The following TMTC2 variants were observed in gnomAD, a reference collection of about 807,000 sequenced individuals.
TMTC2 encodes the protein transmembrane O-mannosyltransferase targeting cadherins 2, also known as protein O-mannosyl-transferase TMTC2.
In TMTC2, 43 loss-of-function variants were observed where a neutral mutation model predicts 82.4. That is an observed-to-expected ratio of 0.52 (90% CI 0.41 to 0.67). TMTC2 has a LOEUF of 0.67. Ranked by LOEUF, TMTC2 falls within the 30% of genes least tolerant of loss-of-function variation. The pLI, the probability that TMTC2 is intolerant of heterozygous loss-of-function variation, is 0.00. For missense variants in TMTC2, 919 were observed against 1,012.4 expected (o/e 0.91, Z 1.25); for synonymous variants, 408 against 381.9 (o/e 1.07, Z -0.80).
intron 1 of TMTC2, among the ~76,000 whole-genome samples, chr12:82,822,184 C>T (rs2137064480): frequency 6.6e-6 from 1 of 152,228 alleles, no homozygotes; most frequent in Non-Finnish European, 1.5e-5. Context: ...AGGCAGAGCA[C>T]AGAGGATTTT....
chr12:82,823,990 T>G (rs1869263655), intron 1 of TMTC2, among the ~76,000 whole-genome samples: 1 of 151,694 alleles, frequency 6.6e-6, no homozygotes, highest in Admixed American at 6.6e-5. Flanking sequence ...GCTTCCCAGG[T>G]TCAAGTGATT....
At chr12:83,069,644 A>G (rs937921813) in intron 11 of TMTC2, among the ~76,000 whole-genome samples, 1 of 152,078 alleles carries the variant, frequency 6.6e-6, no homozygotes, top group Non-Finnish European at 1.5e-5. Context: ...TCTGTGGATC[A>G]TCTGTTTACT....
At chr12:82,726,878 CAAAAAAAAAA>C (rs757515287) in intron 1 of TMTC2, among the ~76,000 whole-genome samples, 1 of 42,352 alleles carries the variant, frequency 2.4e-5, no homozygotes, top group African/African-American at 8.9e-5. Context: ...GACTCTGTCT[CAAAAAAAAAA>C]AAAAAAAAAA....
rs574359232 is a variant in TMTC2 at position 82,731,126 on chromosome 12, A to G, written c.83+43457A>G. On this transcript the variant is annotated intron_variant, in intron 1 of 11. Transcript: ENST00000321196. ...GTGTTTATACATTCAACAAATGAAA[A>G]AAAATCGAGTATTGGCTGCTACCTT... Among the ~76,000 whole-genome samples, 3 of 152,386 alleles carry G rather than the reference A, an allele frequency of 2.0e-5. No homozygotes were observed. In the South Asian group the frequency reaches 6.2e-4, roughly 32 times the overall value.
chr12:82,729,033 G>A (rs963851961), intron 1 of TMTC2, among the ~76,000 whole-genome samples: 5 of 152,202 alleles, frequency 3.3e-5, no homozygotes, highest in African/African-American at 1.2e-4. Context: ...TGCGTGGCCC[G>A]AGCCTCCCCG....
At chr12:82,697,953 G>A (rs1565712460) in intron 1 of TMTC2, among the ~76,000 whole-genome samples, 1 of 152,186 alleles carries the variant, frequency 6.6e-6, no homozygotes, top group Non-Finnish European at 1.5e-5. Flanking sequence ...GTAGCTGAAA[G>A]TAGGAAGATA....
At chr12:83,015,660 A>T (rs897528609) in intron 8 of TMTC2, among the ~76,000 whole-genome samples, 7 of 152,162 alleles carry the variant, frequency 4.6e-5, no homozygotes, top group Non-Finnish European at 1.0e-4. Flanking sequence ...TCTGTACTCC[A>T]TGTTTTCCTG....
At chr12:82,892,562 T>C (rs1426368799) in intron 2 of TMTC2, among the ~76,000 whole-genome samples, 1 of 152,204 alleles carries the variant, frequency 6.6e-6, no homozygotes, top group Non-Finnish European at 1.5e-5. Context: ...AATTACATCA[T>C]TGTTAAGGCT....
chr12:82,712,100 A>G (rs375002664), intron 1 of TMTC2, among the ~76,000 whole-genome samples: 31 of 151,610 alleles, frequency 2.0e-4, no homozygotes, highest in African/African-American at 7.5e-4. Context: ...CACCTCCTTC[A>G]CCTTTCATCT....
intron 8 of TMTC2, among the ~76,000 whole-genome samples, chr12:83,027,645 C>T (rs1881238981): frequency 6.6e-6 from 1 of 152,134 alleles, no homozygotes; most frequent in African/African-American, 2.4e-5. Flanking sequence ...TCATTTGGCA[C>T]TTGGCTAAAT....
intron 9 of TMTC2, among the ~76,000 whole-genome samples, chr12:83,038,996 A>G (rs1380246183): frequency 1.5e-5 from 2 of 133,214 alleles, no homozygotes; most frequent in Non-Finnish European, 3.0e-5. Context: ...CAGTGGCGCG[A>G]TCTCAGCTCT....
At chr12:83,005,675 G>T (rs138903822) in intron 8 of TMTC2, among the ~76,000 whole-genome samples, 122 of 152,334 alleles carry the variant, frequency 8.0e-4, no homozygotes, top group African/African-American at 2.8e-3. Context: ...TTGAGATCGA[G>T]CACCAGCTGT....
intron 8 of TMTC2, among the ~76,000 whole-genome samples, chr12:83,023,345 T>A (rs1377256733): frequency 6.6e-6 from 1 of 152,234 alleles, no homozygotes; most frequent in Non-Finnish European, 1.5e-5. Context: ...CCTTTGCTCA[T>A]GTAACATATC....
chr12:82,859,107 C>T (rs935013287), intron 2 of TMTC2, among the ~76,000 whole-genome samples: 1 of 146,882 alleles, frequency 6.8e-6, no homozygotes, highest in Non-Finnish European at 1.5e-5. Flanking sequence ...CTCACACTGT[C>T]GCCAGGCTGG....
intron 1 of TMTC2, among the ~76,000 whole-genome samples, chr12:82,719,700 AG>A (rs1216245728): frequency 1.5e-5 from 2 of 130,832 alleles, no homozygotes; most frequent in African/African-American, 5.8e-5. Context: ...GTAATGTCAT[AG>A]TGTAGGGTAA....
At chr12:82,845,708 G>T (rs78638401) in intron 1 of TMTC2, among the ~76,000 whole-genome samples, 43 of 151,986 alleles carry the variant, frequency 2.8e-4, no homozygotes, top group African/African-American at 1.0e-3. Context: ...CATGCAAATT[G>T]CAAGTCTGTG....
chr12:82,905,170 C>T (rs930943619), intron 3 of TMTC2, among the ~76,000 whole-genome samples: 1 of 152,262 alleles, frequency 6.6e-6, no homozygotes, highest in Admixed American at 6.5e-5. Context: ...CTGGTCACCT[C>T]TCTTCCCTGA....
chr12:82,730,021 G>T (rs886717854), intron 1 of TMTC2, among the ~76,000 whole-genome samples: 1 of 152,024 alleles, frequency 6.6e-6, no homozygotes, highest in African/African-American at 2.4e-5. Context: ...CCAGAAGGAG[G>T]AAGCTCCGAA....
chr12:82,815,165 CTTT>C (rs773702402), intron 1 of TMTC2, among the ~76,000 whole-genome samples: 3 of 142,074 alleles, frequency 2.1e-5, no homozygotes, highest in Non-Finnish European at 1.5e-5. Flanking sequence ...TTCTTTTATT[CTTT>C]TTTTTTTTTT....
Sources: gnomAD v4.1 joint callset for allele counts (sites outside exome capture counted in the v4.1 genomes callset) on GRCh38, gnomAD v4.1.1 for gene constraint, MANE v1.5 for transcripts, NCBI Gene and HGNC (gene_info 2026-07-23, HGNC 2026-07-21) for gene names.